KCTD16: variants seen among roughly 807,000 people sequenced by gnomAD.
KCTD16 encodes potassium channel tetramerization domain containing 16, also known as BTB/POZ domain-containing protein KCTD16.
In KCTD16, 13 loss-of-function variants were observed where a neutral mutation model predicts 33.2. That is an observed-to-expected ratio of 0.39 (90% confidence interval 0.25 to 0.62). The LOEUF (loss-of-function observed/expected upper bound fraction) is 0.62. Ranked by LOEUF, KCTD16 falls within the 20% of genes least tolerant of loss-of-function variation. KCTD16 has a pLI of 0.50. For synonymous variants in KCTD16, 197 were observed against 195.3 expected, an observed-to-expected ratio of 1.01 and a Z score of -0.07; for missense variants, 441 against 525.1, an observed-to-expected ratio of 0.84 and a Z score of 1.57.
chr5:144,390,004 G>A (rs1752413565), intron 3 of KCTD16, among the ~76,000 whole-genome samples: 2 of 152,254 alleles, frequency 1.3e-5, no homozygotes, highest in South Asian at 4.1e-4. Flanking sequence ...TATCTCTATG[G>A]CAGCTCTTGA....
chr5:144,436,916 A>G (rs1208876432), intron 3 of KCTD16, among the ~76,000 whole-genome samples: 1 of 152,106 alleles, frequency 6.6e-6, no homozygotes, highest in Non-Finnish European at 1.5e-5. Flanking sequence ...TTTAAGGATT[A>G]AGTTTCTTTT....
At chr5:144,196,895 T>C (rs889700048) in intron 2 of KCTD16, among the ~76,000 whole-genome samples, 4 of 152,220 alleles carry the variant, frequency 2.6e-5, no homozygotes, top group Non-Finnish European at 4.4e-5. Flanking sequence ...GATCATTGTC[T>C]GTAAAGGTAA....
chr5:144,389,883 T>A (rs1752411535), intron 3 of KCTD16, among the ~76,000 whole-genome samples: 1 of 152,216 alleles, frequency 6.6e-6, no homozygotes, highest in African/African-American at 2.4e-5. Context: ...CTTTCCCTGT[T>A]TGGGAAAAAG....
At chr5:144,400,472 C>A (rs1428523847) in intron 3 of KCTD16, among the ~76,000 whole-genome samples, 5 of 152,152 alleles carry the variant, frequency 3.3e-5, no homozygotes, top group Admixed American at 3.3e-4. Context: ...AACACATCAA[C>A]ATTTATTTAG....
intron 3 of KCTD16, among the ~76,000 whole-genome samples, chr5:144,284,024 T>G (rs1755675138): frequency 1.3e-5 from 2 of 152,210 alleles, no homozygotes; most frequent in Admixed American, 1.3e-4. Flanking sequence ...TCATGGCCTG[T>G]GTAGCTTTCT....
At chr5:144,210,727 A>T (rs1209663171) in intron 3 of KCTD16, among the ~76,000 whole-genome samples, 1 of 152,120 alleles carries the variant, frequency 6.6e-6, no homozygotes, top group Admixed American at 6.5e-5. Context: ...AAATAAATGA[A>T]CCTTTATTTC....
intron 3 of KCTD16, among the ~76,000 whole-genome samples, chr5:144,255,525 G>C (rs1294727557): frequency 6.6e-6 from 1 of 152,054 alleles, no homozygotes; most frequent in African/African-American, 2.4e-5. Context: ...ATGCATCCTG[G>C]TAGATTTGAA....
chr5:144,261,955 T>C (rs1345881203), intron 3 of KCTD16, among the ~76,000 whole-genome samples: 1 of 152,226 alleles, frequency 6.6e-6, no homozygotes, highest in African/African-American at 2.4e-5. Flanking sequence ...ACTCTTCTAT[T>C]TATCCATTTC....
chr5:144,317,127 G>A (rs1014068402), intron 3 of KCTD16, among the ~76,000 whole-genome samples: 3 of 151,778 alleles, frequency 2.0e-5, no homozygotes, highest in East Asian at 1.9e-4. Flanking sequence ...AGCCCGGCCC[G>A]GCCAGCATCT....
At chr5:144,201,448 C>A (rs1753043708) in intron 2 of KCTD16, among the ~76,000 whole-genome samples, 1 of 152,142 alleles carries the variant, frequency 6.6e-6, no homozygotes, top group African/African-American at 2.4e-5. Context: ...TATGTTTGGG[C>A]ATCTTTTGTA....
At chr5:144,419,879 C>T (rs768229868) in intron 3 of KCTD16, among the ~76,000 whole-genome samples, 2 of 151,924 alleles carry the variant, frequency 1.3e-5, no homozygotes, top group Non-Finnish European at 2.9e-5. Context: ...CAATTATGAC[C>T]GCAGAACTAG....
At chr5:144,190,565 GA>G (rs1561523705) in intron 2 of KCTD16, among the ~76,000 whole-genome samples, 1 of 152,010 alleles carries the variant, frequency 6.6e-6, no homozygotes, top group African/African-American at 2.4e-5. Flanking sequence ...ATTGATTGTT[GA>G]ATGAAAATTC....
chr5:144,172,260 C>T (rs1361980438), intron 1 of KCTD16, among the ~76,000 whole-genome samples: 1 of 151,988 alleles, frequency 6.6e-6, no homozygotes, highest in Non-Finnish European at 1.5e-5. Context: ...TACCCATTAG[C>T]GAATTTATTT....
At chr5:144,320,621 A>G (rs963042453) in intron 3 of KCTD16, among the ~76,000 whole-genome samples, 2 of 152,204 alleles carry the variant, frequency 1.3e-5, no homozygotes, top group African/African-American at 4.8e-5. Flanking sequence ...GGAAAGTTTT[A>G]ATAATAATAA....
intron 3 of KCTD16, among the ~76,000 whole-genome samples, chr5:144,244,178 T>C (rs946256391): frequency 2.0e-5 from 3 of 152,198 alleles, no homozygotes; most frequent in African/African-American, 7.2e-5. Flanking sequence ...CTCAAGACCC[T>C]CAAAATCTCT....
At chr5:144,381,513 G>A (rs941684891) in intron 3 of KCTD16, among the ~76,000 whole-genome samples, 2 of 152,164 alleles carry the variant, frequency 1.3e-5, no homozygotes, top group African/African-American at 4.8e-5. Flanking sequence ...CTTCTAGGGA[G>A]GCCTCAGGAA....
At chr5:144,460,199 C>T (rs951436823) in intron 3 of KCTD16, among the ~76,000 whole-genome samples, 1 of 152,130 alleles carries the variant, frequency 6.6e-6, no homozygotes, top group East Asian at 1.9e-4. Flanking sequence ...CTTTTCCTTG[C>T]GTATGCCATC....
intron 3 of KCTD16, among the ~76,000 whole-genome samples, chr5:144,276,278 A>C (rs1755435495): frequency 6.6e-6 from 1 of 152,148 alleles, no homozygotes; most frequent in Non-Finnish European, 1.5e-5. Flanking sequence ...GTCTCTCAAC[A>C]ATATCTCTTA....
At chr5:144,312,245 C>T (rs1174852055) in intron 3 of KCTD16, among the ~76,000 whole-genome samples, 3 of 152,140 alleles carry the variant, frequency 2.0e-5, no homozygotes, top group South Asian at 2.1e-4. Context: ...GTTACTCTGC[C>T]GTACAGACCA....
Sources: allele counts gnomAD v4.1 joint callset (sites outside exome capture counted in the v4.1 genomes callset), GRCh38; gene constraint gnomAD v4.1.1; transcripts MANE v1.5; gene names NCBI Gene and HGNC (gene_info 2026-07-23, HGNC 2026-07-21).